Variants in PCDHA4 observed in about 807,000 individuals in gnomAD.
PCDHA4 encodes protocadherin alpha-4.
PCDHA4 carries 49 observed loss-of-function variants against 61.4 expected under a neutral mutation model. The observed-to-expected ratio is 0.80, with a 90% CI of 0.63 to 1.01. The LOEUF (loss-of-function observed/expected upper bound fraction) is 1.01, where lower values mean the gene tolerates loss of function less well. Ranked by LOEUF, PCDHA4 falls within the 50% of genes least tolerant of loss-of-function variation. The pLI is 0.00. For missense variants in PCDHA4, 1,254 were observed against 1,235.8 expected (o/e 1.01, Z -0.22); for synonymous variants, 590 against 550.3 (o/e 1.07, Z -1.01).
chr5:140,847,992 C>A lies in PCDHA4; in HGVS notation c.2385+38420C>A, dbSNP rs189573491. On this transcript the variant is annotated intron_variant, in intron 1 of 3. Transcript: ENST00000530339. ...CGAGCCATATGGGAGATTCTGAATTCCAGAACAAAAGAATTTTGTAATTTA... is the reference window on the plus strand; with the variant it reads ...CGAGCCATATGGGAGATTCTGAATTACAGAACAAAAGAATTTTGTAATTTA... 9.0e-4 allele frequency: 141 copies of A among 156,078 alleles called. 10 individuals are homozygous for A. The highest frequency in any genetic ancestry group is 1.5e-3 in the Non-Finnish European group (104 of 70,316). The allele number at this position is 156,078 out of a possible 1,614,324, so 9.7% of individuals were successfully genotyped here.
At chr5:140,842,099 A>G (rs1554138785) in intron 1 of PCDHA4, 1 of 1,613,876 alleles carries the variant, frequency 6.2e-7, no homozygotes, top group Non-Finnish European at 8.5e-7. Flanking sequence ...CAACGGAACA[A>G]CAGTTATCAA....
At chr5:140,850,835 T>C in intron 1 of PCDHA4, 5 of 1,597,984 alleles carry the variant, frequency 3.1e-6, no homozygotes, top group Non-Finnish European at 4.3e-6. Flanking sequence ...CTCCTTGTGC[T>C]GGATCTACAG....
rs2150160577 is a variant in PCDHA4, at chr5:140,828,908, G to A, written c.2385+19336G>A. On this transcript the variant is annotated intron_variant, in intron 1 of 3. Coordinates refer to ENST00000530339, the MANE Select transcript of PCDHA4 (RefSeq NM_018907.4). Reference sequence around the variant, plus strand: ...GAATGCTTCTGATCGGGATGAAGGAGCGAATGGGGCAATTTCATATTCTTT... The same window carrying A: ...GAATGCTTCTGATCGGGATGAAGGAACGAATGGGGCAATTTCATATTCTTT... The A allele has an allele frequency of 4.2e-5, 67 of 1,614,134 alleles. 1 individual carries two copies. The South Asian group carries it at 6.7e-4, about 16-fold the overall frequency.
At chr5:140,860,183 C>G (rs1286653695) in intron 1 of PCDHA4, 2 of 149,278 alleles carry the variant, frequency 1.3e-5, no homozygotes, top group Non-Finnish European at 3.0e-5. Flanking sequence ...ATATGATGGG[C>G]TCTCCTTACA....
At chr5:140,871,305 G>C (rs782666863) in intron 1 of PCDHA4, 2 of 1,613,874 alleles carry the variant, frequency 1.2e-6, no homozygotes, top group East Asian at 4.5e-5. Context: ...GCGCGCCGGG[G>C]AAGCCCACGC....
chr5:140,922,786 G>A (rs1397049612), intron 1 of PCDHA4, among the ~76,000 whole-genome samples: 2 of 152,198 alleles, frequency 1.3e-5, no homozygotes, highest in African/African-American at 4.8e-5. Context: ...AGAGAAAACT[G>A]TAGCTTTGGA....
chr5:140,848,354 C>G (rs1427419086), intron 1 of PCDHA4: 1 of 1,023,830 alleles, frequency 9.8e-7, no homozygotes, highest in African/African-American at 1.6e-5. Flanking sequence ...AGCCCTTTTC[C>G]CATGGGAAAG....
chr5:140,848,680 G>C (rs2150417098), intron 1 of PCDHA4: 2 of 1,592,250 alleles, frequency 1.3e-6, no homozygotes, highest in African/African-American at 1.3e-5. Context: ...CTGGTGCCGC[G>C]CCTGTTCCAG....
intron 1 of PCDHA4, chr5:140,849,157 A>T: frequency 8.3e-7 from 1 of 1,209,676 alleles, no homozygotes; most frequent in Non-Finnish European, 1.1e-6. Flanking sequence ...GGCAAACCCG[A>T]GCTGACTGGC....
At chr5:140,967,351 G>C in intron 1 of PCDHA4, 1 of 1,608,106 alleles carries the variant, frequency 6.2e-7, no homozygotes, top group South Asian at 1.1e-5. Context: ...ACTTCGAGCT[G>C]GACCTTAAGC....
Position 140,835,306 on chromosome 5 carries a change from T to C in PCDHA4, c.2385+25734T>C, listed in dbSNP as rs2150233599. 44 of 1,612,968 alleles carry C rather than the reference T, an allele frequency of 2.7e-5. No individual in the cohort carries two copies. The South Asian group carries it at 4.5e-4, about 17-fold the overall frequency. The stretch of plus-strand genomic sequence containing the variant: ...GGGGCAATCACAGTGATAGGACATA[T>C]GGATTTTGAAGAAAGTAGAGCACAC... On this transcript the variant is annotated intron_variant, in intron 1 of 3. Transcript: ENST00000530339.
chr5:140,914,758 C>T (rs1435498037), intron 1 of PCDHA4, among the ~76,000 whole-genome samples: 3 of 151,912 alleles, frequency 2.0e-5, no homozygotes, highest in Non-Finnish European at 4.4e-5. Context: ...TTTGAGGTTA[C>T]ATGAGGTTTA....
In PCDHA4 at chr5:140,857,667, G is replaced by A. The variant is rs375722457; in HGVS notation, c.2385+48095G>A. 3.4e-5 allele frequency: 54 copies of A among 1,596,806 alleles called. 7 individuals are homozygous for A. The highest frequency in any genetic ancestry group is 4.5e-5 in the Non-Finnish European group (52 of 1,167,800). ...TTCCAGGTGAGCGCGCGCGATGGGGGCGTGCCGCCTCTGGGCAGCAACTTG... is the reference window on the plus strand; with the variant it reads ...TTCCAGGTGAGCGCGCGCGATGGGGACGTGCCGCCTCTGGGCAGCAACTTG... On this transcript the variant is annotated intron_variant, in intron 1 of 3. Coordinates refer to ENST00000530339, the MANE Select transcript of PCDHA4 (RefSeq NM_018907.4).
At position 140,961,643 on chromosome 5, in the gene PCDHA4, A is replaced by G. The variant is rs533824470; in HGVS notation, c.2386-17306A>G. Reference sequence around the variant, plus strand: ...CCATATGAAAAACAATCTTAAGTCTATGTGGTTAGTTTGAAGTTACCAGTT... The same window carrying G: ...CCATATGAAAAACAATCTTAAGTCTGTGTGGTTAGTTTGAAGTTACCAGTT... On this transcript the variant is annotated intron_variant, in intron 1 of 3. Coordinates refer to ENST00000530339, the MANE Select transcript of PCDHA4 (RefSeq NM_018907.4). Among the ~76,000 whole-genome samples the G allele has an allele frequency of 7.2e-5, 11 of 152,324 alleles. No homozygotes were observed. The East Asian group carries it at 1.9e-3, about 27-fold the overall frequency.
chr5:140,936,000 C>G (rs370629183), intron 1 of PCDHA4, among the ~76,000 whole-genome samples: 1 of 150,536 alleles, frequency 6.6e-6, no homozygotes, highest in African/African-American at 2.4e-5. Flanking sequence ...TCAAGCGATT[C>G]TCCCACCTCA....
intron 1 of PCDHA4, chr5:140,857,395 C>T (rs1554149953): frequency 6.3e-7 from 1 of 1,598,586 alleles, no homozygotes; most frequent in South Asian, 1.1e-5. Context: ...ACGTGAACGA[C>T]AACGCGCCTG....
intron 1 of PCDHA4, among the ~76,000 whole-genome samples, chr5:140,819,535 A>G (rs1375120782): frequency 1.3e-5 from 2 of 152,274 alleles, no homozygotes; most frequent in Non-Finnish European, 1.5e-5. Context: ...TCAAGAAAAT[A>G]ATCTGTAACA....
intron 1 of PCDHA4, chr5:140,835,967 G>A (rs2150249249): frequency 2.5e-6 from 4 of 1,613,286 alleles, no homozygotes; most frequent in Admixed American, 1.7e-5. Context: ...ACGAGGAGCT[G>A]GAGCTGTTGC....
intron 1 of PCDHA4, among the ~76,000 whole-genome samples, chr5:140,896,384 C>T (rs778057567): frequency 2.0e-5 from 3 of 152,172 alleles, no homozygotes; most frequent in Non-Finnish European, 4.4e-5. Flanking sequence ...TCTGCAACCT[C>T]ACCAGCATCT....
Sources: allele counts gnomAD v4.1 joint callset (sites outside exome capture counted in the v4.1 genomes callset), GRCh38; gene constraint gnomAD v4.1.1; transcripts MANE v1.5; gene names NCBI Gene and HGNC (gene_info 2026-07-23, HGNC 2026-07-21).